Variants in PDSS1 observed in about 807,000 individuals in gnomAD.
The protein encoded by PDSS1 is all trans-polyprenyl-diphosphate synthase PDSS1.
In PDSS1, 43 loss-of-function variants were observed where a neutral mutation model predicts 57.5. The observed-to-expected ratio is 0.75, with a 90% CI of 0.59 to 0.96. The LOEUF (loss-of-function observed/expected upper bound fraction) is 0.96, where lower values mean the gene tolerates loss of function less well. PDSS1 is among the 50% of genes least tolerant of loss of function. The probability of loss-of-function intolerance (pLI) is 0.00; values close to 1 mark genes in which losing one functional copy is unlikely to be tolerated. For synonymous variants in PDSS1, 175 were observed against 191.3 expected (o/e 0.91, Z 0.70); for missense variants, 438 against 527.8 (o/e 0.83, Z 1.67).
rs1229588732 is a variant in PDSS1 at position 26,727,125 on chromosome 10, TACTC to T, written c.831+3006_831+3009del. 4.6e-5 allele frequency among the ~76,000 whole-genome samples: 7 copies of T among 152,274 alleles called. No homozygotes were observed. In the East Asian group the frequency reaches 1.2e-3, roughly 25 times the overall value. On this transcript the variant is annotated intron_variant, in intron 8 of 11. Transcript: ENST00000376215. ...AAGATGACTTATTTATTTACATACT[TACTC>T]ACTTGCAAAATACATTTTGTACTCA...
chr10:26,728,105 C>T (rs1163795343), intron 8 of PDSS1, among the ~76,000 whole-genome samples: 2 of 152,164 alleles, frequency 1.3e-5, no homozygotes. Context: ...CCTGTAATCC[C>T]AGCACTTTGG....
In PDSS1 at chr10:26,741,578, C is replaced by G. The variant is rs72629715; in HGVS notation, c.1027-919C>G. Among the ~76,000 whole-genome samples, 2,589 of 152,306 alleles carry G rather than the reference C, an allele frequency of 0.017. 163 individuals carry two copies. The South Asian group carries it at 0.17, about 10-fold the overall frequency. ...TCATGCACCGCTGCTCAGATCCACT[C>G]TACACACTGCTTAAGGCAGAGCTCT... On this transcript the variant is annotated intron_variant, in intron 10 of 11. Coordinates refer to ENST00000376215, the MANE Select transcript of PDSS1 (RefSeq NM_014317.5).
At position 26,738,889 on chromosome 10, in the gene PDSS1, C is replaced by T. The variant is rs369978938; in HGVS notation, c.1026+3310C>T. Among the ~76,000 whole-genome samples the T allele has an allele frequency of 4.9e-3, 752 of 152,212 alleles. 8 individuals are homozygous for T. The highest frequency in any genetic ancestry group is 0.017 in the African/African-American group (710 of 41,512). On this transcript the variant is annotated intron_variant, in intron 10 of 11. Transcript: ENST00000376215. ...CTGGAGAAGTCCCAGGGGATGACAG[C>T]GTCCTCCCATGTACGTATGTGTACA...
At chr10:26,737,792 A>C (rs913419056) in intron 10 of PDSS1, among the ~76,000 whole-genome samples, 3 of 151,296 alleles carry the variant, frequency 2.0e-5, no homozygotes, top group South Asian at 2.1e-4. Flanking sequence ...AAAAAAGATT[A>C]CTGTACCCGA....
At chr10:26,701,088 T>G (rs1027447071) in intron 1 of PDSS1, among the ~76,000 whole-genome samples, 4 of 152,212 alleles carry the variant, frequency 2.6e-5, no homozygotes, top group African/African-American at 9.6e-5. Flanking sequence ...AAGGTCACTC[T>G]TGCTATGCTT....
At chr10:26,724,743 A>G (rs1309045835) in intron 8 of PDSS1, among the ~76,000 whole-genome samples, 2 of 151,928 alleles carry the variant, frequency 1.3e-5, no homozygotes, top group Admixed American at 1.3e-4. Flanking sequence ...ACACCCAGCT[A>G]ATTTTTGTAT....
chr10:26,735,261 G>C lies in PDSS1; in HGVS notation c.853G>C (p.Asp285His). Residue 285 changes from aspartate (D) to histidine (H), a missense_variant, in exon 9 of 12, where the codon GAC becomes CAC. Coordinates refer to ENST00000376215, the MANE Select transcript of PDSS1 (RefSeq NM_014317.5). Reference sequence around the variant, plus strand: ...TCAGGTCTCTGTTCTAGGATGTCCCGACCCAGTGGTGCATGAGATCGCCTA... The same window carrying C: ...TCAGGTCTCTGTTCTAGGATGTCCCCACCCAGTGGTGCATGAGATCGCCTA... Reference protein sequence around the residue: ...CKAVSVLGCPDPVVHEIAYQY... With the variant: ...CKAVSVLGCPHPVVHEIAYQY... The C allele has an allele frequency of 6.2e-7, 1 of 1,613,378 alleles. No individual in the cohort carries two copies. Among genetic ancestry groups the C allele is most frequent in the Non-Finnish European group, 8.5e-7 (1 of 1,179,340 alleles).
intron 5 of PDSS1, 124 bp from the exon 6 acceptor site, chr10:26,720,094 T>G (rs1835735098): frequency 7.0e-7 from 1 of 1,425,378 alleles, no homozygotes; most frequent in Non-Finnish European, 9.6e-7. Context: ...GCCAGAGTTT[T>G]TATACCGTTT....
At chr10:26,731,019 C>T (rs1836174516) in intron 8 of PDSS1, among the ~76,000 whole-genome samples, 1 of 151,890 alleles carries the variant, frequency 6.6e-6, no homozygotes, top group Non-Finnish European at 1.5e-5. Flanking sequence ...CCAGCCTGGC[C>T]AACATGGTGA....
At chr10:26,723,203 C>T (rs1054697945) in intron 6 of PDSS1, among the ~76,000 whole-genome samples, 5 of 152,056 alleles carry the variant, frequency 3.3e-5, no homozygotes, top group African/African-American at 9.7e-5. Context: ...ACTGAGGGAT[C>T]GGGGGGAACT....
intron 6 of PDSS1, among the ~76,000 whole-genome samples, chr10:26,722,670 C>A (rs1197671840): frequency 6.6e-6 from 1 of 150,446 alleles, no homozygotes; most frequent in Non-Finnish European, 1.5e-5. Context: ...TGCCACTGTA[C>A]TCAAGCCTGG....
At chr10:26,742,978 G>A (rs533225044) in intron 11 of PDSS1, among the ~76,000 whole-genome samples, 10 of 152,232 alleles carry the variant, frequency 6.6e-5, no homozygotes, top group South Asian at 2.1e-4. Flanking sequence ...GACCCCATCC[G>A]GGCTGCTGCT....
At chr10:26,698,821 A>G (rs535347370) in intron 1 of PDSS1, among the ~76,000 whole-genome samples, 42 of 152,350 alleles carry the variant, frequency 2.8e-4, no homozygotes, top group African/African-American at 9.4e-4. Flanking sequence ...GCGTATCACA[A>G]ATTATCCAAA....
chr10:26,718,914 A>G (rs1375482187), intron 5 of PDSS1: 1 of 152,218 alleles, frequency 6.6e-6, no homozygotes, highest in Non-Finnish European at 1.5e-5. Context: ...CAAGATCAAA[A>G]GCTTTCCTCA....
At chr10:26,746,266 G>A in intron 11 of PDSS1, 67 bp from the exon 12 acceptor site, 1 of 1,472,766 alleles carries the variant, frequency 6.8e-7, no homozygotes, top group Non-Finnish European at 9.5e-7. Context: ...ATTTATTATA[G>A]CAGGAAGTTA....
chr10:26,734,275 CAG>C (rs2132298013), intron 8 of PDSS1, among the ~76,000 whole-genome samples: 2 of 152,340 alleles, frequency 1.3e-5, no homozygotes, highest in African/African-American at 4.8e-5. Flanking sequence ...GGTCAGGGGA[CAG>C]GGTTTCCTAG....
At chr10:26,741,014 A>G (rs1836581571) in intron 10 of PDSS1, among the ~76,000 whole-genome samples, 1 of 150,560 alleles carries the variant, frequency 6.6e-6, no homozygotes, top group South Asian at 2.1e-4. Flanking sequence ...TTTATAACCT[A>G]CTCTAGTAAC....
At chr10:26,744,551 C>T (rs902928223) in intron 11 of PDSS1, among the ~76,000 whole-genome samples, 110 of 152,072 alleles carry the variant, frequency 7.2e-4, no homozygotes, top group Non-Finnish European at 1.3e-3. Flanking sequence ...CCACCACGCC[C>T]GGCTGATTTT....
chr10:26,739,927 C>T (rs983126133), intron 10 of PDSS1, among the ~76,000 whole-genome samples: 9 of 152,226 alleles, frequency 5.9e-5, no homozygotes, highest in South Asian at 2.1e-4. Flanking sequence ...GGGCAGATCA[C>T]GAGGTTAGGA....
Sources: allele counts gnomAD v4.1 joint callset (sites outside exome capture counted in the v4.1 genomes callset), GRCh38; gene constraint gnomAD v4.1.1; transcripts MANE v1.5; gene names NCBI Gene and HGNC (gene_info 2026-07-23, HGNC 2026-07-21).